KLHL15: variants seen among roughly 807,000 people sequenced by gnomAD.
The protein encoded by KLHL15 is kelch-like protein 15.
A neutral mutation model predicts 29.3 loss-of-function variants in KLHL15; 1 was observed. The observed-to-expected ratio is 0.03, with a 90% CI of 0.01 to 0.16. The LOEUF (loss-of-function observed/expected upper bound fraction) is 0.16. KLHL15 is among the 10% of genes least tolerant of loss of function. The probability of loss-of-function intolerance (pLI) is 1.00; values close to 1 mark genes in which losing one functional copy is unlikely to be tolerated. For missense variants in KLHL15, 215 were observed against 478.5 expected (o/e 0.45, Z 5.14); for synonymous variants, 212 against 184.5 (o/e 1.15, Z -1.21).
chrX:24,011,312 C>A lies in KLHL15; in HGVS notation c.-7-4612G>T, dbSNP rs1929569891. ...CTTGAGGCCAGAAGCTTGGGACCAG[C>A]CTCGGCAACATAGTGAGACACTGTC... is the stretch of plus-strand genomic sequence containing the variant. On this transcript the variant is annotated intron_variant, in intron 2 of 3. Transcript: ENST00000328046. Among the ~76,000 whole-genome samples, 4 of 103,912 alleles carry A rather than the reference C, an allele frequency of 3.8e-5. No individual in the cohort carries two copies. In the South Asian group the frequency reaches 1.8e-3, roughly 47 times the overall value. The allele number at this position is 103,912 out of a possible 115,157, so 90.2% of individuals were successfully genotyped here.
In KLHL15 at chrX:23,984,705, A is replaced by T. The variant is rs1229853502; in HGVS notation, c.*3216T>A. On this transcript the variant is annotated 3_prime_UTR_variant, in exon 4 of 4. Coordinates refer to ENST00000328046, the MANE Select transcript of KLHL15 (RefSeq NM_030624.3). ...ACTGAACGTTTGACATGTTTAGATT[A>T]TGCAGCTCAAATAATCTGTTATAAA... 8.9e-6 allele frequency: 1 copy of T among 112,618 alleles called. No homozygotes were observed. The highest frequency in any genetic ancestry group is 3.2e-5 in the African/African-American group (1 of 31,077). The allele number at this position is 112,618 out of a possible 1,213,427, so 9.3% of individuals were successfully genotyped here.
chrX:24,007,259 G>A (rs746573588), intron 2 of KLHL15, among the ~76,000 whole-genome samples: 2 of 108,567 alleles, frequency 1.8e-5, no homozygotes, highest in Non-Finnish European at 3.8e-5. Flanking sequence ...TTGGGAGGCC[G>A]AAGTGGGTGG....
rs1267533084 is a variant in KLHL15 at position 23,995,768 on chromosome X, T to C, written c.706-6738A>G. 4.8e-5 allele frequency among the ~76,000 whole-genome samples: 5 copies of C among 104,945 alleles called. No homozygotes were observed. The East Asian group carries it at 1.5e-3, about 32-fold the overall frequency. 91.1% of individuals were successfully genotyped at this position (104,945 alleles called of 115,157 possible). A position where few individuals can be genotyped will look rare whatever the true frequency, so the allele number is the denominator to read the frequency against. The stretch of plus-strand genomic sequence containing the variant: ...TACACTTTTTGAAAGAAAAAAAAAA[T>C]TGAGACGGATTTCACTTGTTGCCCA... On this transcript the variant is annotated intron_variant, in intron 3 of 3. Coordinates refer to ENST00000328046, the MANE Select transcript of KLHL15 (RefSeq NM_030624.3).
At chrX:24,018,319 G>C (rs1382181089) in intron 2 of KLHL15, among the ~76,000 whole-genome samples, 1 of 111,465 alleles carries the variant, frequency 9.0e-6, no homozygotes, top group Non-Finnish European at 1.9e-5. Flanking sequence ...AATTTAAGAG[G>C]CTTTGAGGAA....
chrX:23,999,594 C>CAAAAAAAAAA (rs57473929), intron 3 of KLHL15, among the ~76,000 whole-genome samples: 3 of 55,434 alleles, frequency 5.4e-5, no homozygotes, highest in African/African-American at 2.1e-4. Flanking sequence ...GACTCCGTCT[C>CAAAAAAAAAA]AAAAAAAAAA....
intron 2 of KLHL15, among the ~76,000 whole-genome samples, chrX:24,023,445 G>T (rs897572441): frequency 8.9e-6 from 1 of 111,936 alleles, no homozygotes. Context: ...ACTGGTATTG[G>T]ACTAGAGGAT....
chrX:23,991,155 C>T (rs1389288733), intron 3 of KLHL15, among the ~76,000 whole-genome samples: 3 of 108,617 alleles, frequency 2.8e-5, no homozygotes, highest in Non-Finnish European at 5.7e-5. Context: ...GAGTTCAAGA[C>T]CAGCCTAGCC....
intron 2 of KLHL15, among the ~76,000 whole-genome samples, chrX:24,024,566 T>C (rs972959132): frequency 1.1e-4 from 12 of 112,459 alleles, no homozygotes; most frequent in Admixed American, 2.8e-4. Context: ...CAGGCATAAA[T>C]TGAATTGTTA....
chrX:24,023,759 G>T (rs1261444574), intron 2 of KLHL15, among the ~76,000 whole-genome samples: 1 of 112,084 alleles, frequency 8.9e-6, no homozygotes, highest in Admixed American at 9.5e-5. Flanking sequence ...CACCTACTAC[G>T]TGTTGTGATT....
At chrX:24,000,982 C>T (rs748805071) in intron 3 of KLHL15, among the ~76,000 whole-genome samples, 1 of 112,117 alleles carries the variant, frequency 8.9e-6, no homozygotes, top group South Asian at 3.6e-4. Flanking sequence ...TTTCACCCGG[C>T]CCAAAGTTGT....
At chrX:24,003,418 T>C (rs1602006417) in intron 3 of KLHL15, among the ~76,000 whole-genome samples, 1 of 107,610 alleles carries the variant, frequency 9.3e-6, no homozygotes, top group Admixed American at 1.0e-4. Flanking sequence ...CCGGGCGTGG[T>C]GGCGGGTGCC....
intron 3 of KLHL15, among the ~76,000 whole-genome samples, chrX:23,996,046 GC>G: frequency 8.9e-6 from 1 of 112,503 alleles, no homozygotes; most frequent in East Asian, 2.8e-4. Flanking sequence ...ACCACACCCA[GC>G]CACGAAATAA....
chrX:24,001,960 C>T lies in KLHL15; in HGVS notation c.705+4029G>A, dbSNP rs912423039. Among the ~76,000 whole-genome samples, 9 of 107,242 alleles carry T rather than the reference C, an allele frequency of 8.4e-5. No homozygotes were observed. The East Asian group carries it at 1.8e-3, about 21-fold the overall frequency. The allele number at this position is 107,242 out of a possible 115,157, so 93.1% of individuals were successfully genotyped here. On this transcript the variant is annotated intron_variant, in intron 3 of 3. Transcript: ENST00000328046. ...CATCCTGGCTAACACAGTGAAACCC[C>T]GTCTCTACTAAAAATACAAAAACTT... is the stretch of plus-strand genomic sequence containing the variant.
At chrX:24,020,327 G>A (rs1005539069) in intron 2 of KLHL15, among the ~76,000 whole-genome samples, 1 of 112,286 alleles carries the variant, frequency 8.9e-6, no homozygotes, top group African/African-American at 3.2e-5. Flanking sequence ...TCTATTAGCG[G>A]TCACTTTACT....
chrX:23,998,839 T>C (rs993088262), intron 3 of KLHL15, among the ~76,000 whole-genome samples: 8 of 112,045 alleles, frequency 7.1e-5, no homozygotes, highest in African/African-American at 2.6e-4. Context: ...CTCTGATCCT[T>C]TTCAATTTCT....
chrX:24,015,365 C>T (rs1929655020), intron 2 of KLHL15, among the ~76,000 whole-genome samples: 1 of 112,389 alleles, frequency 8.9e-6, no homozygotes, highest in Non-Finnish European at 1.9e-5. Flanking sequence ...CTCAGCAACG[C>T]ATTTGTGAAG....
Position 23,987,797 on chromosome X carries a change from C to T in KLHL15, c.*124G>A, listed in dbSNP as rs1433763927. 1.5e-6 allele frequency: 1 copy of T among 650,062 alleles called. No homozygotes were observed. Among genetic ancestry groups the T allele is most frequent in the Admixed American group, 3.9e-5 (1 of 25,441 alleles). 53.6% of individuals were successfully genotyped at this position (650,062 alleles called of 1,213,427 possible). ...GGATGCTAGCACAGAATGAAAAATT[C>T]TTACAATGTTAGACCAATGGCTTTG... On this transcript the variant is annotated 3_prime_UTR_variant, in exon 4 of 4. Transcript: ENST00000328046.
chrX:24,026,808 C>A (rs918479247), intron 1 of KLHL15, among the ~76,000 whole-genome samples: 7 of 111,687 alleles, frequency 6.3e-5, no homozygotes, highest in Non-Finnish European at 1.3e-4. Flanking sequence ...TAAACTATAA[C>A]AAGCTTTAAA....
Position 24,017,151 on chromosome X carries a change from G to C in KLHL15, c.-8+7706C>G, listed in dbSNP as rs146917580. On this transcript the variant is annotated intron_variant, in intron 2 of 3. Transcript: ENST00000328046. ...TGCTTGAGCCCAGGAGGCAGAGGTT[G>C]CAGTGAGCTGAGATGGCGCCATTGT... 9.8e-3 allele frequency among the ~76,000 whole-genome samples: 1,036 copies of C among 105,682 alleles called. 19 individuals are homozygous for C. The highest frequency in any genetic ancestry group is 0.034 in the African/African-American group (971 of 28,553). The allele number at this position is 105,682 out of a possible 115,157, so 91.8% of individuals were successfully genotyped here. A position where few individuals can be genotyped will look rare whatever the true frequency, so the allele number is the denominator to read the frequency against.
Sources: allele counts gnomAD v4.1 joint callset (sites outside exome capture counted in the v4.1 genomes callset), GRCh38; gene constraint gnomAD v4.1.1; transcripts MANE v1.5; gene names NCBI Gene and HGNC (gene_info 2026-07-23, HGNC 2026-07-21).